LRRC37A2: variants seen among roughly 807,000 people sequenced by gnomAD.
LRRC37A2 encodes leucine-rich repeat-containing protein 37A2.
A neutral mutation model predicts 68.8 loss-of-function variants in LRRC37A2; 9 were observed. The observed-to-expected ratio is 0.13, with a 90% confidence interval of 0.08 to 0.23. LRRC37A2 has a LOEUF of 0.23. LRRC37A2 is among the 10% of genes least tolerant of loss of function. The probability of loss-of-function intolerance (pLI) is 1.00; values close to 1 mark genes in which losing one functional copy is unlikely to be tolerated. For missense variants in LRRC37A2, 168 were observed against 950.4 expected (o/e 0.18, Z 10.82); for synonymous variants, 63 against 367.6 (o/e 0.17, Z 9.48).
At chr17:47,012,475 C>G in the LRRC37A2 span, among the ~76,000 whole-genome samples, 1 of 151,784 alleles carries the variant, frequency 6.6e-6, no homozygotes, top group African/African-American at 2.4e-5. Context: ...AAATATCTGC[C>G]ATATATCTGC....
chr17:46,838,071 AC>A, the LRRC37A2 span, among the ~76,000 whole-genome samples: 1 of 151,836 alleles, frequency 6.6e-6, no homozygotes, highest in Non-Finnish European at 1.5e-5. Context: ...GGGTGGAGGA[AC>A]CTTTTGCATT....
At chr17:46,761,934 A>C in the LRRC37A2 span, among the ~76,000 whole-genome samples, 1 of 152,196 alleles carries the variant, frequency 6.6e-6, no homozygotes, top group Non-Finnish European at 1.5e-5. Flanking sequence ...TTCTACCCAA[A>C]CCCAAACCCA....
chr17:46,679,835 A>C, the LRRC37A2 span, among the ~76,000 whole-genome samples: 7 of 151,862 alleles, frequency 4.6e-5, no homozygotes, highest in Non-Finnish European at 2.9e-5. Flanking sequence ...TTTAGAAGGC[A>C]AGAAAGAAAT....
At chr17:46,534,707 TG>T (rs1387432953) in intron 6 of LRRC37A2, among the ~76,000 whole-genome samples, 1 of 150,090 alleles carries the variant, frequency 6.7e-6, no homozygotes, top group Non-Finnish European at 1.5e-5. Flanking sequence ...AATGAGCTGT[TG>T]GGTACACCTC....
chr17:46,819,357 C>T, the LRRC37A2 span, among the ~76,000 whole-genome samples: 1 of 152,182 alleles, frequency 6.6e-6, no homozygotes, highest in Non-Finnish European at 1.5e-5. The surrounding 1 kb of genome is among the most constrained non-coding windows in gnomAD (Gnocchi z 5.3). Context: ...TCATTTGAGT[C>T]TTTTGTCAGG....
At chr17:46,788,498 T>C in the LRRC37A2 span, among the ~76,000 whole-genome samples, 3 of 152,228 alleles carry the variant, frequency 2.0e-5, no homozygotes, top group Admixed American at 2.0e-4. Context: ...TGTTCGCTTC[T>C]GACTCCAGAC....
At chr17:46,815,192 G>A in the LRRC37A2 span, among the ~76,000 whole-genome samples, 1 of 151,614 alleles carries the variant, frequency 6.6e-6, no homozygotes, top group Non-Finnish European at 1.5e-5. Context: ...CCAAGAAGAA[G>A]AAGAAAGACA....
At chr17:46,449,761 T>C in the LRRC37A2 span, among the ~76,000 whole-genome samples, 4 of 106,398 alleles carry the variant, frequency 3.8e-5, no homozygotes, top group Admixed American at 3.6e-4. Flanking sequence ...TTTTCTTTTT[T>C]TTTTTTTTTT....
chr17:47,017,076 T>C, the LRRC37A2 span: 931 of 1,440,226 alleles, frequency 6.5e-4, 4 homozygotes, highest in Middle Eastern at 0.014. Flanking sequence ...TTGGGCGGGA[T>C]TGTGACATAA....
chr17:46,863,409 GA>G, the LRRC37A2 span, among the ~76,000 whole-genome samples: 1 of 152,218 alleles, frequency 6.6e-6, no homozygotes, highest in Non-Finnish European at 1.5e-5. Flanking sequence ...CTCAGGGTAT[GA>G]AAAACCATGG....
chr17:46,936,868 T>C, the LRRC37A2 span: 2 of 978,930 alleles, frequency 2.0e-6, no homozygotes, highest in African/African-American at 3.5e-5. Context: ...CTTAATTGCT[T>C]TCTGGGCAGA....
At chr17:46,768,021 C>T in the LRRC37A2 span, among the ~76,000 whole-genome samples, 2 of 152,210 alleles carry the variant, frequency 1.3e-5, no homozygotes, top group Non-Finnish European at 2.9e-5. This position sits in a 1 kb window ranked among gnomAD's most constrained non-coding sequence, Gnocchi z 5.0. Flanking sequence ...CTCCTGACCT[C>T]AGGTGATCCG....
the LRRC37A2 span, among the ~76,000 whole-genome samples, chr17:46,919,940 C>A: frequency 6.6e-6 from 1 of 151,976 alleles, no homozygotes; most frequent in Admixed American, 6.6e-5. Flanking sequence ...GAGCGAGACT[C>A]CATCTCAAAA....
chr17:46,851,682 T>C, the LRRC37A2 span: 1 of 1,310,848 alleles, frequency 7.6e-7, no homozygotes. The surrounding 1 kb of genome is among the most constrained non-coding windows in gnomAD (Gnocchi z 4.3). Context: ...CTCTGCCTGC[T>C]GGCGCTGCCC....
At chr17:46,889,980 A>G in the LRRC37A2 span, among the ~76,000 whole-genome samples, 1 of 152,216 alleles carries the variant, frequency 6.6e-6, no homozygotes, top group Admixed American at 6.5e-5. Context: ...AGCTCTAAAC[A>G]AGCATTCTCT....
the LRRC37A2 span, among the ~76,000 whole-genome samples, chr17:46,842,968 GA>G: frequency 6.6e-6 from 1 of 152,184 alleles, no homozygotes; most frequent in Non-Finnish European, 1.5e-5. Context: ...CCAGAGACAA[GA>G]TTTTAAGTTA....
the LRRC37A2 span, among the ~76,000 whole-genome samples, chr17:46,954,534 TTAAAG>T: frequency 1.3e-5 from 2 of 152,210 alleles, no homozygotes; most frequent in African/African-American, 2.4e-5. Context: ...CATATGAACT[TTAAAG>T]TAGTTTTTTC....
chr17:46,843,400 G>A, the LRRC37A2 span, among the ~76,000 whole-genome samples: 1 of 152,042 alleles, frequency 6.6e-6, no homozygotes, highest in Admixed American at 6.6e-5. Context: ...AATTAGGAGG[G>A]ACTATTCCAT....
the LRRC37A2 span, among the ~76,000 whole-genome samples, chr17:46,883,905 G>A: frequency 7.9e-5 from 12 of 152,258 alleles, no homozygotes; most frequent in South Asian, 2.3e-3. Context: ...GTCCCCAGGG[G>A]CTGTGGGGCC....
Sources: gnomAD v4.1 joint callset for allele counts (sites outside exome capture counted in the v4.1 genomes callset) on GRCh38, gnomAD v4.1.1 for gene constraint, Gnocchi (gnomAD v3.1) non-coding constraint, MANE v1.5 for transcripts, NCBI Gene and HGNC (gene_info 2026-07-23, HGNC 2026-07-21) for gene names.